RAB3C: variants seen among roughly 807,000 people sequenced by gnomAD.
RAB3C encodes the protein ras-related protein Rab-3C.
In RAB3C, 17 loss-of-function variants were observed where a neutral mutation model predicts 26.4. The observed-to-expected ratio is 0.64, with a 90% CI of 0.44 to 0.97. RAB3C has a LOEUF of 0.97. Among genes scored for constraint, RAB3C ranks in the 50% least tolerant of loss-of-function variants. RAB3C has a pLI of 0.00. For synonymous variants in RAB3C, 91 were observed against 95.9 expected, an observed-to-expected ratio of 0.95 and a Z score of 0.30; for missense variants, 242 against 281.9, an observed-to-expected ratio of 0.86 and a Z score of 1.01.
At chr5:58,820,977 G>C (rs1743327032) in intron 3 of RAB3C, among the ~76,000 whole-genome samples, 1 of 152,146 alleles carries the variant, frequency 6.6e-6, no homozygotes. Flanking sequence ...ATTTGGTTAA[G>C]GGACATGAAT....
chr5:58,613,425 G>A (rs963336257), intron 1 of RAB3C, among the ~76,000 whole-genome samples: 1 of 152,110 alleles, frequency 6.6e-6, no homozygotes, highest in African/African-American at 2.4e-5. Flanking sequence ...GAGGGCCTTA[G>A]ATGAACACAT....
intron 3 of RAB3C, among the ~76,000 whole-genome samples, chr5:58,820,187 A>C (rs1274729520): frequency 4.6e-5 from 7 of 151,800 alleles, no homozygotes; most frequent in Admixed American, 3.3e-4. Context: ...ATGTTAACCT[A>C]CCATGCACTA....
intron 4 of RAB3C, among the ~76,000 whole-genome samples, chr5:58,837,566 T>C (rs1337826721): frequency 1.4e-5 from 2 of 145,622 alleles, no homozygotes; most frequent in Non-Finnish European, 3.0e-5. Context: ...TCTTTTTTTT[T>C]TTTTTTTTTT....
At position 58,810,385 on chromosome 5, in the gene RAB3C, CTGTGTGTG is replaced by C. The variant is rs70973156; in HGVS notation, c.372-14629_372-14622del. ...GTGTGCTCTCTCTCTCTCTCTCTCT[CTGTGTGTG>C]TGTGTGTGTGTGTGTGTGTGTGTTT... On this transcript the variant is annotated intron_variant, in intron 3 of 4. Transcript: ENST00000282878. Among the ~76,000 whole-genome samples the C allele has an allele frequency of 3.1e-3, 453 of 146,996 alleles. 1 individual carries two copies. Among genetic ancestry groups the C allele is most frequent in the African/African-American group, 0.011 (425 of 39,458 alleles).
chr5:58,630,575 CT>C (rs1349000861), intron 2 of RAB3C, among the ~76,000 whole-genome samples: 2 of 152,154 alleles, frequency 1.3e-5, no homozygotes, highest in African/African-American at 2.4e-5. Flanking sequence ...TCAAAGACAG[CT>C]GATTTTTCAT....
intron 2 of RAB3C, among the ~76,000 whole-genome samples, chr5:58,625,041 A>G (rs1747023195): frequency 6.6e-6 from 1 of 152,228 alleles, no homozygotes; most frequent in Non-Finnish European, 1.5e-5. Context: ...AAACTGAGGC[A>G]TAGAGTGTGT....
rs1272953089 is a variant in RAB3C at position 58,853,124 on chromosome 5, T to C, written c.*1773T>C. 1 of 152,168 alleles carries C rather than the reference T, an allele frequency of 6.6e-6. No individual in the cohort carries two copies. The allele number at this position is 152,168 out of a possible 1,614,324, so 9.4% of individuals were successfully genotyped here. The stretch of plus-strand genomic sequence containing the variant: ...ACTTTGGTGCCCTACAAAGCAAACC[T>C]TAGCATAGTAAAGACAAGAAAACAT... On this transcript the variant is annotated 3_prime_UTR_variant, in exon 5 of 5. Transcript: ENST00000282878.
At chr5:58,765,658 C>T (rs1183491596) in intron 3 of RAB3C, among the ~76,000 whole-genome samples, 1 of 152,170 alleles carries the variant, frequency 6.6e-6, no homozygotes, top group Non-Finnish European at 1.5e-5. Context: ...TCAATATAGT[C>T]ATACATCATC....
intron 2 of RAB3C, among the ~76,000 whole-genome samples, chr5:58,653,113 A>C (rs532154245): frequency 2.6e-5 from 4 of 152,116 alleles, no homozygotes; most frequent in East Asian, 1.9e-4. Flanking sequence ...TCCTAATGCT[A>C]TCCCTCCCCT....
rs531695039 is a variant in RAB3C, at chr5:58,595,855, A to C, written c.24+12623A>C. On this transcript the variant is annotated intron_variant, in intron 1 of 4. Transcript: ENST00000282878. Reference sequence around the variant, plus strand: ...GTATATTTTATCATATCCACAAGAAAAGTTTTGAACGATTCTTTACATTTT... The same window carrying C: ...GTATATTTTATCATATCCACAAGAACAGTTTTGAACGATTCTTTACATTTT... 7.9e-5 allele frequency among the ~76,000 whole-genome samples: 12 copies of C among 152,230 alleles called. No individual in the cohort carries two copies. The South Asian group carries it at 2.3e-3, about 29-fold the overall frequency.
At chr5:58,752,129 A>C (rs1741544696) in intron 3 of RAB3C, among the ~76,000 whole-genome samples, 1 of 152,212 alleles carries the variant, frequency 6.6e-6, no homozygotes, top group African/African-American at 2.4e-5. Flanking sequence ...CTACATACTG[A>C]AATCACTTCT....
intron 3 of RAB3C, among the ~76,000 whole-genome samples, chr5:58,728,170 AG>A (rs1740930657): frequency 6.6e-6 from 1 of 152,032 alleles, no homozygotes. Context: ...TTGATTTATT[AG>A]GGTTTTTTAA....
intron 4 of RAB3C, among the ~76,000 whole-genome samples, chr5:58,837,344 G>A (rs533276329): frequency 2.0e-5 from 3 of 151,812 alleles, no homozygotes; most frequent in Non-Finnish European, 4.4e-5. Context: ...ATCACTCCTG[G>A]CTAATTTTTA....
intron 4 of RAB3C, among the ~76,000 whole-genome samples, chr5:58,827,675 G>C (rs1366581476): frequency 1.3e-5 from 2 of 152,086 alleles, no homozygotes; most frequent in Non-Finnish European, 2.9e-5. Context: ...GTTTCTAATT[G>C]ATTTTTTGCT....
intron 2 of RAB3C, among the ~76,000 whole-genome samples, chr5:58,628,000 AC>A (rs1018608314): frequency 1.6e-4 from 25 of 152,148 alleles, no homozygotes; most frequent in African/African-American, 5.8e-4. Flanking sequence ...TACTAAAAAT[AC>A]AAAAAGTTAG....
chr5:58,711,492 G>A (rs192036149), intron 2 of RAB3C, among the ~76,000 whole-genome samples: 183 of 152,290 alleles, frequency 1.2e-3, no homozygotes, highest in Non-Finnish European at 2.1e-3. Context: ...CTGCTTGTGA[G>A]TCTTAGAGCC....
chr5:58,655,673 C>G (rs955969053), intron 2 of RAB3C, among the ~76,000 whole-genome samples: 4 of 151,652 alleles, frequency 2.6e-5, no homozygotes, highest in African/African-American at 9.7e-5. Context: ...TAAATATAAC[C>G]CAAAATATTA....
At chr5:58,600,437 T>A (rs899911460) in intron 1 of RAB3C, among the ~76,000 whole-genome samples, 3 of 152,240 alleles carry the variant, frequency 2.0e-5, no homozygotes, top group Admixed American at 1.3e-4. Context: ...GGCAGTATGG[T>A]CATTTTCACA....
chr5:58,584,015 A>G (rs1489164756), intron 1 of RAB3C, among the ~76,000 whole-genome samples: 6 of 152,222 alleles, frequency 3.9e-5, no homozygotes, highest in African/African-American at 1.4e-4. Context: ...TCTCGTCTCT[A>G]TGTACTACCA....
Sources: allele counts gnomAD v4.1 joint callset (sites outside exome capture counted in the v4.1 genomes callset), GRCh38; gene constraint gnomAD v4.1.1; transcripts MANE v1.5; gene names NCBI Gene and HGNC (gene_info 2026-07-23, HGNC 2026-07-21).